The following BACH2 variants were observed in gnomAD, a reference collection of about 807,000 sequenced individuals.
BACH2 encodes the protein BACH transcriptional regulator 2.
Under a neutral mutation model 61.8 loss-of-function variants are expected in BACH2, and 5 were observed. That is an observed-to-expected ratio of 0.08 (90% CI 0.04 to 0.17). BACH2 has a LOEUF of 0.17. Among genes scored for constraint, BACH2 ranks in the 10% least tolerant of loss-of-function variants. BACH2 has a pLI of 1.00. For missense variants in BACH2, 824 were observed against 1,091.1 expected, an observed-to-expected ratio of 0.76 and a Z score of 3.45; for synonymous variants, 446 against 440.1, an observed-to-expected ratio of 1.01 and a Z score of -0.17.
At chr6:90,165,712 A>G (rs889031802) in intron 4 of BACH2, among the ~76,000 whole-genome samples, 6 of 152,210 alleles carry the variant, frequency 3.9e-5, no homozygotes, top group African/African-American at 1.4e-4. Context: ...AGACAGACAT[A>G]TAGACCAATG....
At chr6:89,938,485 C>A in intron 7 of BACH2, 135 bp from the exon 8 acceptor site, 1 of 696,176 alleles carries the variant, frequency 1.4e-6, no homozygotes, top group Non-Finnish European at 2.4e-6. Context: ...GCAGTGATTA[C>A]TTATTTCCTG....
At chr6:90,085,634 A>G (rs925122812) in intron 5 of BACH2, among the ~76,000 whole-genome samples, 7 of 152,166 alleles carry the variant, frequency 4.6e-5, no homozygotes, top group Non-Finnish European at 8.8e-5. Context: ...ACTGAAGTAT[A>G]TACCATTCAG....
chr6:90,095,194 T>A (rs1277095121), intron 4 of BACH2, among the ~76,000 whole-genome samples: 1 of 151,602 alleles, frequency 6.6e-6, no homozygotes, highest in Admixed American at 6.6e-5. Flanking sequence ...TCAATTGATG[T>A]TAATTGTTAA....
Position 89,932,704 on chromosome 6 carries a change from T to C in BACH2, c.2230A>G (p.Ile744Val), listed in dbSNP as rs1321699864. Residue 744 changes from isoleucine (I) to valine (V), a missense_variant, in exon 9 of 9, where the codon ATT becomes GTT. Transcript: ENST00000257749. ...TCAGCACCCAAGGGCGCAGGGTTAA[T>C]ACTGGAGGCCGTGGGCAAGTCCATG... ...RPMDLPTASSINPAPLGAEQN... is the reference protein window; with the variant it reads ...RPMDLPTASSVNPAPLGAEQN... The C allele has an allele frequency of 1.3e-5, 21 of 1,614,004 alleles. No homozygotes were observed. Among genetic ancestry groups the C allele is most frequent in the Middle Eastern group, 3.3e-4 (2 of 6,084 alleles).
chr6:90,075,707 C>T (rs1781445676), intron 5 of BACH2, among the ~76,000 whole-genome samples: 2 of 152,140 alleles, frequency 1.3e-5, no homozygotes, highest in South Asian at 4.1e-4. Flanking sequence ...TTTTCAGAAT[C>T]TTATGTATTC....
intron 4 of BACH2, among the ~76,000 whole-genome samples, chr6:90,203,853 C>T (rs1389773307): frequency 6.6e-6 from 1 of 152,142 alleles, no homozygotes; most frequent in Non-Finnish European, 1.5e-5. Flanking sequence ...TCCCAAAGTA[C>T]ACCCCTTTCT....
At chr6:90,023,706 G>T (rs904195350) in intron 5 of BACH2, among the ~76,000 whole-genome samples, 5 of 152,046 alleles carry the variant, frequency 3.3e-5, no homozygotes, top group African/African-American at 1.2e-4. Context: ...GGGTTATAAG[G>T]GTAGAGCCCT....
At chr6:90,037,720 C>T (rs1779328483) in intron 5 of BACH2, among the ~76,000 whole-genome samples, 1 of 152,160 alleles carries the variant, frequency 6.6e-6, no homozygotes, top group Admixed American at 6.5e-5. Context: ...AATGTTGAAG[C>T]CCTAACCTCC....
chr6:89,983,939 T>C (rs1776096914), intron 6 of BACH2, among the ~76,000 whole-genome samples: 1 of 152,232 alleles, frequency 6.6e-6, no homozygotes, highest in African/African-American at 2.4e-5. Context: ...CCTTGCTTAG[T>C]CCGTTGCAAC....
Position 90,160,331 on chromosome 6 carries a change from T to C in BACH2, c.-162+46238A>G, listed in dbSNP as rs560770267. Among the ~76,000 whole-genome samples, 4 of 152,290 alleles carry C rather than the reference T, an allele frequency of 2.6e-5. No individual in the cohort carries two copies. The South Asian group carries it at 8.3e-4, about 32-fold the overall frequency. ...AGGCGGGGATGAGGCCCTTTGTGTA[T>C]GTGCATGTGTGGGCTGTAGGGGACA... On this transcript the variant is annotated intron_variant, in intron 4 of 8. Coordinates refer to ENST00000257749, the MANE Select transcript of BACH2 (RefSeq NM_021813.4).
At chr6:89,938,987 T>A (rs925700800) in intron 7 of BACH2, among the ~76,000 whole-genome samples, 1 of 152,220 alleles carries the variant, frequency 6.6e-6, no homozygotes, top group African/African-American at 2.4e-5. Context: ...TAGGGCATTT[T>A]AAAAAAGCCG....
intron 5 of BACH2, 72 bp downstream of exon 5, chr6:90,088,889 A>G (rs577262748): frequency 6.6e-6 from 1 of 152,382 alleles, no homozygotes; most frequent in South Asian, 2.1e-4. Context: ...TGCTTGGGCT[A>G]TTTGTTACTA....
At chr6:90,166,721 A>C (rs1767631576) in intron 4 of BACH2, among the ~76,000 whole-genome samples, 1 of 152,216 alleles carries the variant, frequency 6.6e-6, no homozygotes, top group Admixed American at 6.5e-5. Flanking sequence ...AATACTATGC[A>C]GCCATAAAAA....
At chr6:90,091,710 A>AT (rs1782166536) in intron 4 of BACH2, among the ~76,000 whole-genome samples, 1 of 152,142 alleles carries the variant, frequency 6.6e-6, no homozygotes, top group South Asian at 2.1e-4. Flanking sequence ...CACTAATACT[A>AT]TAAGATGGTT....
chr6:90,269,760 G>A (rs1033825133), intron 2 of BACH2, among the ~76,000 whole-genome samples: 1 of 152,224 alleles, frequency 6.6e-6, no homozygotes. Flanking sequence ...AACAATCAGT[G>A]TGTTCATAAG....
intron 4 of BACH2, among the ~76,000 whole-genome samples, chr6:90,095,677 ATTTGAAATAATTCTT>A (rs1354726550): frequency 6.6e-6 from 1 of 152,194 alleles, no homozygotes; most frequent in Non-Finnish European, 1.5e-5. Context: ...AAAGTACATA[ATTTGAAATAATTCTT>A]GGATTTCTGC....
At chr6:90,157,999 G>C (rs1202863489) in intron 4 of BACH2, among the ~76,000 whole-genome samples, 1 of 152,164 alleles carries the variant, frequency 6.6e-6, no homozygotes, top group East Asian at 1.9e-4. Context: ...TGTCATGAGA[G>C]CGTTAACTGA....
chr6:90,210,321 ACACACACAC>A (rs1769300640), intron 3 of BACH2, among the ~76,000 whole-genome samples: 1 of 65,474 alleles, frequency 1.5e-5, no homozygotes, highest in Non-Finnish European at 4.3e-5. Context: ...CAACACACAC[ACACACACAC>A]ACACACACAC....
intron 5 of BACH2, among the ~76,000 whole-genome samples, chr6:90,087,473 C>T (rs764988239): frequency 3.9e-5 from 6 of 152,160 alleles, no homozygotes; most frequent in Non-Finnish European, 7.4e-5. Flanking sequence ...TTCACAGGTA[C>T]ACATGTACAT....
Sources: allele counts gnomAD v4.1 joint callset (sites outside exome capture counted in the v4.1 genomes callset), GRCh38; gene constraint gnomAD v4.1.1; transcripts MANE v1.5; gene names NCBI Gene and HGNC (gene_info 2026-07-23, HGNC 2026-07-21).